The following WARS2 variants were observed in gnomAD, a reference collection of about 807,000 sequenced individuals.
The protein encoded by WARS2 is tryptophanyl tRNA synthetase 2, mitochondrial, also known as tryptophan--tRNA ligase, mitochondrial.
In WARS2, 28 loss-of-function variants were observed where a neutral mutation model predicts 36.5. That is an observed-to-expected ratio of 0.77 (90% confidence interval 0.57 to 1.05). The LOEUF (loss-of-function observed/expected upper bound fraction) is 1.05. WARS2 is among the 50% of genes least tolerant of loss of function. The probability of loss-of-function intolerance (pLI) is 0.00; values close to 1 mark genes in which losing one functional copy is unlikely to be tolerated. For synonymous variants in WARS2, 174 were observed against 178.4 expected, an observed-to-expected ratio of 0.98 and a Z score of 0.20; for missense variants, 435 against 456.8, an observed-to-expected ratio of 0.95 and a Z score of 0.44.
upstream of WARS2, chr1:119,140,669 T>G (rs1317211193): frequency 5.6e-6 from 9 of 1,604,902 alleles, no homozygotes; most frequent in Admixed American, 1.7e-5. Flanking sequence ...AGCCGTCTTG[T>G]TTGGAATGAC....
chr1:119,045,483 G>T, intron 3 of WARS2, 99 bp downstream of exon 3: 2 of 975,378 alleles, frequency 2.1e-6, no homozygotes, highest in South Asian at 1.4e-5. Flanking sequence ...ATTAGTGAGT[G>T]GCAGACCAGG....
chr1:119,087,146 C>G (rs750806556), intron 1 of WARS2, among the ~76,000 whole-genome samples: 11 of 152,174 alleles, frequency 7.2e-5, no homozygotes, highest in East Asian at 3.8e-4. Context: ...GCACATATCA[C>G]ATTGATAACT....
chr1:119,102,370 T>C (rs999377117), intron 1 of WARS2, among the ~76,000 whole-genome samples: 1 of 152,244 alleles, frequency 6.6e-6, no homozygotes, highest in African/African-American at 2.4e-5. Flanking sequence ...CTTTACTGAA[T>C]TCAGTACATT....
At chr1:119,093,347 G>A (rs1425535077) in intron 1 of WARS2, among the ~76,000 whole-genome samples, 1 of 151,658 alleles carries the variant, frequency 6.6e-6, no homozygotes, top group Non-Finnish European at 1.5e-5. Flanking sequence ...TTTTTCTAGT[G>A]TACTTCCATT....
At chr1:119,054,344 G>A (rs1373100754) in intron 2 of WARS2, among the ~76,000 whole-genome samples, 1 of 151,882 alleles carries the variant, frequency 6.6e-6, no homozygotes, top group Non-Finnish European at 1.5e-5. Context: ...ACCATAATGT[G>A]ATATCACCTT....
chr1:119,137,749 C>A (rs183697605), intron 1 of WARS2, among the ~76,000 whole-genome samples: 96 of 152,266 alleles, frequency 6.3e-4, no homozygotes, highest in Middle Eastern at 3.4e-3. Flanking sequence ...GCAAAATAAA[C>A]CGTTTTCATA....
At chr1:119,039,252 A>G (rs1334827006) in intron 4 of WARS2, among the ~76,000 whole-genome samples, 1 of 152,152 alleles carries the variant, frequency 6.6e-6, no homozygotes, top group Non-Finnish European at 1.5e-5. Flanking sequence ...CCTTTCCCTC[A>G]AGGCCATGTA....
At chr1:119,107,070 T>C (rs1443193644) in intron 1 of WARS2, among the ~76,000 whole-genome samples, 1 of 152,186 alleles carries the variant, frequency 6.6e-6, no homozygotes, top group Non-Finnish European at 1.5e-5. Flanking sequence ...ATGTTGAACA[T>C]CTTTTGATAT....
intron 1 of WARS2, among the ~76,000 whole-genome samples, chr1:119,121,029 T>C (rs1655293320): frequency 6.6e-6 from 1 of 152,114 alleles, no homozygotes; most frequent in South Asian, 2.1e-4. Context: ...AACATAATAC[T>C]GGAAGCCCTG....
At chr1:119,086,034 A>G in intron 1 of WARS2, 1 of 1,460,434 alleles carries the variant, frequency 6.8e-7, no homozygotes, top group Non-Finnish European at 9.3e-7. Flanking sequence ...AATTTTTTAA[A>G]TTTCTCGTAG....
chr1:119,109,149 T>C (rs1377239604), intron 1 of WARS2, among the ~76,000 whole-genome samples: 2 of 152,010 alleles, frequency 1.3e-5, no homozygotes, highest in African/African-American at 2.4e-5. Flanking sequence ...TCTATCTTGG[T>C]GAATATTCCA....
chr1:119,040,459 C>T (rs1648252924), intron 4 of WARS2, among the ~76,000 whole-genome samples: 1 of 152,170 alleles, frequency 6.6e-6, no homozygotes. Flanking sequence ...CATGTGTTTT[C>T]TTATTCTAGT....
chr1:119,087,778 T>TG (rs1652778316), intron 1 of WARS2, among the ~76,000 whole-genome samples: 1 of 152,230 alleles, frequency 6.6e-6, no homozygotes, highest in African/African-American at 2.4e-5. Context: ...CCTCATGCAT[T>TG]AATTGCCTTT....
chr1:119,140,312 A>G (rs1228037516), intron 1 of WARS2: 5 of 374,356 alleles, frequency 1.3e-5, no homozygotes, highest in Non-Finnish European at 2.4e-5. Context: ...CCAGAACTGG[A>G]GGTGGCGGCA....
chr1:119,111,750 C>G (rs772029329), intron 1 of WARS2, among the ~76,000 whole-genome samples: 9 of 152,088 alleles, frequency 5.9e-5, no homozygotes, highest in Non-Finnish European at 1.3e-4. Context: ...GCTTGGATAT[C>G]CCCGCTCGGT....
chr1:119,123,638 A>G (rs1223041306), intron 1 of WARS2, among the ~76,000 whole-genome samples: 1 of 152,142 alleles, frequency 6.6e-6, no homozygotes, highest in Non-Finnish European at 1.5e-5. Flanking sequence ...ATGTTAGTCT[A>G]TAAAACATTT....
intron 1 of WARS2, among the ~76,000 whole-genome samples, chr1:119,125,227 C>T (rs1655571627): frequency 6.6e-6 from 1 of 152,160 alleles, no homozygotes; most frequent in African/African-American, 2.4e-5. Context: ...ATCCTCTTCC[C>T]TCAGATGTCT....
At position 119,032,887 on chromosome 1, in the gene WARS2, C is replaced by T; in HGVS notation, c.*24G>A. On this transcript the variant is annotated 3_prime_UTR_variant, in exon 6 of 6. Transcript: ENST00000235521. Reference sequence around the variant, plus strand: ...TGCATGGAGTGCAAGGCACAAAAGCCTTGCTGTGATTCGTTGAAACTTCCT... The same window carrying T: ...TGCATGGAGTGCAAGGCACAAAAGCTTTGCTGTGATTCGTTGAAACTTCCT... 1 of 1,594,792 alleles carries T rather than the reference C, an allele frequency of 6.3e-7. No homozygotes were observed.
At chr1:119,140,530 G>A (rs765945151) in intron 1 of WARS2, 25 bp downstream of exon 1, 1 of 1,606,114 alleles carries the variant, frequency 6.2e-7, no homozygotes. Flanking sequence ...GGGAAGCCGC[G>A]GAGGGAAGGG....
Sources: gnomAD v4.1 joint callset for allele counts (sites outside exome capture counted in the v4.1 genomes callset) on GRCh38, gnomAD v4.1.1 for gene constraint, MANE v1.5 for transcripts, NCBI Gene and HGNC (gene_info 2026-07-23, HGNC 2026-07-21) for gene names.